Variants in KCTD16 observed in about 807,000 individuals in gnomAD.
The protein encoded by KCTD16 is potassium channel tetramerization domain containing 16.
In KCTD16, 13 loss-of-function variants were observed where a neutral mutation model predicts 33.2. The observed-to-expected ratio is 0.39, with a 90% CI of 0.25 to 0.62. The LOEUF is 0.62. KCTD16 is among the 20% of genes least tolerant of loss of function. KCTD16 has a pLI of 0.50. For missense variants in KCTD16, 441 were observed against 525.1 expected (o/e 0.84, Z 1.57); for synonymous variants, 197 against 195.3 (o/e 1.01, Z -0.07).
At chr5:144,468,660 A>C (rs1754402960) in intron 3 of KCTD16, among the ~76,000 whole-genome samples, 1 of 152,224 alleles carries the variant, frequency 6.6e-6, no homozygotes, top group Non-Finnish European at 1.5e-5. Flanking sequence ...CTGGGATACC[A>C]AGAAAGCCTT....
intron 3 of KCTD16, among the ~76,000 whole-genome samples, chr5:144,343,639 T>A (rs895321608): frequency 6.6e-6 from 1 of 152,130 alleles, no homozygotes; most frequent in Non-Finnish European, 1.5e-5. Context: ...ATGTGTTTGC[T>A]CTTGCTTTTC....
chr5:144,181,058 G>A lies in KCTD16; in HGVS notation c.-327+6586G>A, dbSNP rs545575343. ...CGCCATTCTCCTGCCTCAGCCTCCC[G>A]AGTAGCTGGGACTACAGGCGCCCAC... On this transcript the variant is annotated intron_variant, in intron 2 of 3. Transcript: ENST00000512467. Among the ~76,000 whole-genome samples, 288 of 151,346 alleles carry A rather than the reference G, an allele frequency of 1.9e-3. 1 individual carries two copies. The highest frequency in any genetic ancestry group is 6.7e-3 in the African/African-American group (275 of 41,256).
At chr5:144,360,756 A>C (rs1751692660) in intron 3 of KCTD16, among the ~76,000 whole-genome samples, 1 of 152,078 alleles carries the variant, frequency 6.6e-6, no homozygotes, top group Admixed American at 6.6e-5. Context: ...ATGGCTGCAT[A>C]GTATTCCATG....
chr5:144,473,566 C>T (rs1338904037), intron 3 of KCTD16, 94 bp from the exon 4 acceptor site: 1 of 1,221,068 alleles, frequency 8.2e-7, no homozygotes, highest in East Asian at 2.4e-5. Flanking sequence ...CGATGCTTCT[C>T]TTATGTGTGT....
rs2127003942 is a variant in KCTD16, at chr5:144,475,520, T to A, written c.*1406T>A. On this transcript the variant is annotated 3_prime_UTR_variant, in exon 4 of 4. Transcript: ENST00000512467. The stretch of plus-strand genomic sequence containing the variant: ...CATGTAACTCTGTATTTTACTAAGG[T>A]ACCAATAGCTCTTTCATAGACTTGT... 6.5e-6 allele frequency: 1 copy of A among 152,774 alleles called. No individual in the cohort carries two copies. Among genetic ancestry groups the A allele is most frequent in the African/African-American group, 2.4e-5 (1 of 41,594 alleles). 9.5% of individuals were successfully genotyped at this position (152,774 alleles called of 1,614,324 possible).
intron 3 of KCTD16, among the ~76,000 whole-genome samples, chr5:144,327,185 A>C (rs1371411253): frequency 6.6e-6 from 1 of 152,178 alleles, no homozygotes; most frequent in Non-Finnish European, 1.5e-5. Flanking sequence ...TTAAGGCTAC[A>C]TAATATTGGT....
At chr5:144,181,471 C>T (rs1430008132) in intron 2 of KCTD16, among the ~76,000 whole-genome samples, 3 of 152,106 alleles carry the variant, frequency 2.0e-5, no homozygotes, top group Non-Finnish European at 4.4e-5. Context: ...ACCTGCACTC[C>T]CATGTTCATT....
intron 3 of KCTD16, among the ~76,000 whole-genome samples, chr5:144,306,766 T>C (rs1466147329): frequency 6.6e-6 from 1 of 152,192 alleles, no homozygotes; most frequent in African/African-American, 2.4e-5. Context: ...CAGGATCTCT[T>C]TCATTGCTAA....
intron 3 of KCTD16, among the ~76,000 whole-genome samples, chr5:144,303,071 T>C (rs897971400): frequency 3.9e-5 from 6 of 152,236 alleles, no homozygotes; most frequent in African/African-American, 1.4e-4. Flanking sequence ...GGTTGTATAA[T>C]TGACATTATT....
At chr5:144,365,155 C>G (rs749464492) in intron 3 of KCTD16, among the ~76,000 whole-genome samples, 9 of 151,858 alleles carry the variant, frequency 5.9e-5, no homozygotes, top group Non-Finnish European at 8.8e-5. Flanking sequence ...CAGGACAAAT[C>G]TTTTTATACT....
intron 3 of KCTD16, among the ~76,000 whole-genome samples, chr5:144,387,937 G>A (rs534472472): frequency 5.9e-5 from 9 of 151,992 alleles, no homozygotes; most frequent in African/African-American, 1.9e-4. Flanking sequence ...CACAACTCTA[G>A]TAAGAAGCAG....
At chr5:144,259,031 G>A (rs1754928449) in intron 3 of KCTD16, among the ~76,000 whole-genome samples, 1 of 152,048 alleles carries the variant, frequency 6.6e-6, no homozygotes, top group African/African-American at 2.4e-5. Flanking sequence ...GACCGAAGTG[G>A]GCAGATCACG....
intron 2 of KCTD16, among the ~76,000 whole-genome samples, chr5:144,202,814 C>A (rs541486325): frequency 5.3e-5 from 8 of 152,298 alleles, no homozygotes; most frequent in African/African-American, 1.9e-4. Context: ...ATGATCAAAT[C>A]ATGGGTTGCA....
At chr5:144,269,668 A>G (rs1755241715) in intron 3 of KCTD16, among the ~76,000 whole-genome samples, 2 of 152,152 alleles carry the variant, frequency 1.3e-5, no homozygotes, top group Admixed American at 1.3e-4. Context: ...AAATACCTCA[A>G]TAAAGGTAAA....
In KCTD16 at chr5:144,411,852, A is replaced by T. The variant is rs1450081772; in HGVS notation, c.833-61808A>T. On this transcript the variant is annotated intron_variant, in intron 3 of 3. Coordinates refer to ENST00000512467, the MANE Select transcript of KCTD16 (RefSeq NM_020768.4). ...AACTCAATAGCAAAAATAAAAAAAAATTGGCAAAGGATCTGAATAGATGTT... is the reference window on the plus strand; with the variant it reads ...AACTCAATAGCAAAAATAAAAAAAATTTGGCAAAGGATCTGAATAGATGTT... Among the ~76,000 whole-genome samples the T allele has an allele frequency of 3.9e-5, 6 of 152,320 alleles. No homozygotes were observed. The East Asian group carries it at 9.6e-4, about 24-fold the overall frequency.
chr5:144,225,650 G>C (rs896871701), intron 3 of KCTD16, among the ~76,000 whole-genome samples: 2 of 151,308 alleles, frequency 1.3e-5, no homozygotes, highest in African/African-American at 4.9e-5. Context: ...TCAGTAGCAA[G>C]ACTAATATGA....
chr5:144,202,190 G>A (rs1035203885), intron 2 of KCTD16, among the ~76,000 whole-genome samples: 2 of 152,096 alleles, frequency 1.3e-5, no homozygotes, highest in Non-Finnish European at 2.9e-5. Flanking sequence ...CCTTCAGTCC[G>A]GGAGTGCCAT....
intron 3 of KCTD16, among the ~76,000 whole-genome samples, chr5:144,444,209 C>G (rs1046821028): frequency 8.0e-5 from 12 of 149,918 alleles, no homozygotes; most frequent in South Asian, 4.2e-4. Context: ...ACCCCTCCCC[C>G]CTCCACACAC....
intron 3 of KCTD16, among the ~76,000 whole-genome samples, chr5:144,393,637 C>A (rs1365391779): frequency 2.6e-5 from 4 of 152,094 alleles, no homozygotes; most frequent in African/African-American, 9.7e-5. Flanking sequence ...TTCTCTGCCA[C>A]CTGCATGCCT....
Sources: gnomAD v4.1 joint callset for allele counts (sites outside exome capture counted in the v4.1 genomes callset) on GRCh38, gnomAD v4.1.1 for gene constraint, MANE v1.5 for transcripts, NCBI Gene and HGNC (gene_info 2026-07-23, HGNC 2026-07-21) for gene names.